Variants in PPA2 observed in about 807,000 individuals in gnomAD.
PPA2 encodes inorganic pyrophosphatase 2, mitochondrial.
PPA2 carries 48 observed loss-of-function variants against 49.5 expected under a neutral mutation model. The ratio of observed to expected loss-of-function variants is 0.97; its 90% CI spans 0.77 to 1.23. PPA2 has a LOEUF of 1.23. Among genes scored for constraint, PPA2 ranks in the 50% most tolerant of loss-of-function variants. PPA2 has a pLI of 0.00. For synonymous variants in PPA2, 131 were observed against 139.9 expected (o/e 0.94, Z 0.45); for missense variants, 429 against 410.1 (o/e 1.05, Z -0.40).
chr4:105,428,073 C>T (rs1042260653), intron 6 of PPA2, among the ~76,000 whole-genome samples: 23 of 152,116 alleles, frequency 1.5e-4, no homozygotes, highest in African/African-American at 5.6e-4. Context: ...GAATTTTCAA[C>T]CCAGAATGTC....
intron 11 of PPA2, chr4:105,370,412 A>G: frequency 4.7e-6 from 1 of 212,822 alleles, no homozygotes; most frequent in Non-Finnish European, 8.1e-6. Context: ...AGCTTCAAAT[A>G]ATGGTAATAA....
chr4:105,438,485 A>G (rs1226160815), intron 5 of PPA2, among the ~76,000 whole-genome samples: 1 of 152,230 alleles, frequency 6.6e-6, no homozygotes, highest in Admixed American at 6.5e-5. Context: ...TTTTCCCTTT[A>G]TAAATGAAAG....
At chr4:105,466,992 G>A (rs903375479) in intron 1 of PPA2, among the ~76,000 whole-genome samples, 1 of 152,184 alleles carries the variant, frequency 6.6e-6, no homozygotes, top group Admixed American at 6.5e-5. Context: ...GATCTCATGG[G>A]AAGCTGCTGA....
At chr4:105,371,416 T>C (rs947572787) in intron 10 of PPA2, among the ~76,000 whole-genome samples, 1 of 152,182 alleles carries the variant, frequency 6.6e-6, no homozygotes, top group Non-Finnish European at 1.5e-5. Context: ...TAGCACTCCA[T>C]TGGAAGATCT....
At chr4:105,428,187 C>A (rs376392095) in intron 6 of PPA2, among the ~76,000 whole-genome samples, 1 of 152,188 alleles carries the variant, frequency 6.6e-6, no homozygotes, top group South Asian at 2.1e-4. Context: ...TTTACAAGAG[C>A]TCCTGAAGGA....
In PPA2 at chr4:105,426,399, G is replaced by A. The variant is rs560670282; in HGVS notation, c.529-2077C>T. Reference sequence around the variant, plus strand: ...CAGGATGTTGCCTCACCCAGGAAGCGCCAGGGGTCAGGGGATTTCCCTTTT... The same window carrying A: ...CAGGATGTTGCCTCACCCAGGAAGCACCAGGGGTCAGGGGATTTCCCTTTT... On this transcript the variant is annotated intron_variant, in intron 6 of 11. Coordinates refer to ENST00000341695, the MANE Select transcript of PPA2 (RefSeq NM_176869.3). Among the ~76,000 whole-genome samples, 92 of 152,288 alleles carry A rather than the reference G, an allele frequency of 6.0e-4. 1 individual carries two copies. The highest frequency in any genetic ancestry group is 3.7e-3 in the South Asian group (18 of 4,820).
chr4:105,429,997 C>T (rs149156466), intron 6 of PPA2, among the ~76,000 whole-genome samples: 2 of 152,194 alleles, frequency 1.3e-5, no homozygotes, highest in Non-Finnish European at 2.9e-5. Flanking sequence ...AAGCTGCCAA[C>T]GTCAAGTTTA....
At chr4:105,426,025 GA>G (rs1723490398) in intron 6 of PPA2, among the ~76,000 whole-genome samples, 1 of 152,108 alleles carries the variant, frequency 6.6e-6, no homozygotes, top group South Asian at 2.1e-4. Flanking sequence ...TTGCAAAGGG[GA>G]AAGGGGGAAC....
At chr4:105,457,400 T>G (rs1162839581) in intron 1 of PPA2, among the ~76,000 whole-genome samples, 1 of 152,230 alleles carries the variant, frequency 6.6e-6, no homozygotes, top group Non-Finnish European at 1.5e-5. Flanking sequence ...TACATCTGTT[T>G]CCAAAAGCTA....
chr4:105,390,412 C>T (rs772561047), intron 9 of PPA2, among the ~76,000 whole-genome samples: 202 of 151,982 alleles, frequency 1.3e-3, no homozygotes, highest in African/African-American at 4.0e-3. Flanking sequence ...AATCTACTTA[C>T]CTGACAAAGG....
At chr4:105,428,636 C>T (rs1723641281) in intron 6 of PPA2, among the ~76,000 whole-genome samples, 1 of 140,534 alleles carries the variant, frequency 7.1e-6, no homozygotes, top group South Asian at 2.2e-4. Flanking sequence ...CACATGGACA[C>T]AGGGAGGGGA....
In PPA2 at chr4:105,369,585, T is replaced by C. The variant is rs966297734; in HGVS notation, c.*140A>G. Reference sequence around the variant, plus strand: ...AGTAATTTAAAATTCTTACTGTTTATTTATATATTGCATAGCTCAAAAAGT... The same window carrying C: ...AGTAATTTAAAATTCTTACTGTTTACTTATATATTGCATAGCTCAAAAAGT... On this transcript the variant is annotated 3_prime_UTR_variant, in exon 12 of 12. Coordinates refer to ENST00000341695, the MANE Select transcript of PPA2 (RefSeq NM_176869.3). The C allele has an allele frequency of 1.4e-6, 1 of 704,230 alleles. No individual in the cohort carries two copies. Among genetic ancestry groups the C allele is most frequent in the Non-Finnish European group, 2.4e-6 (1 of 416,656 alleles). The allele number at this position is 704,230 out of a possible 1,614,324, so 43.6% of individuals were successfully genotyped here.
chr4:105,461,346 G>A (rs1723083902), intron 1 of PPA2, among the ~76,000 whole-genome samples: 1 of 152,180 alleles, frequency 6.6e-6, no homozygotes, highest in Non-Finnish European at 1.5e-5. Flanking sequence ...AGGTGAAGTG[G>A]AAAACATGAA....
intron 3 of PPA2, among the ~76,000 whole-genome samples, chr4:105,450,726 G>C (rs550939023): frequency 2.8e-4 from 42 of 150,362 alleles, no homozygotes; most frequent in Admixed American, 2.4e-3. Context: ...TCCTGCCTCG[G>C]CCTCCCGAGT....
intron 1 of PPA2, among the ~76,000 whole-genome samples, chr4:105,470,722 C>T (rs1422597150): frequency 2.0e-5 from 3 of 152,144 alleles, no homozygotes; most frequent in East Asian, 1.9e-4. Flanking sequence ...TAATTACACA[C>T]ATAGTCTCAT....
chr4:105,390,566 A>G (rs1578807371), intron 9 of PPA2, among the ~76,000 whole-genome samples: 1 of 152,272 alleles, frequency 6.6e-6, no homozygotes, highest in East Asian at 1.9e-4. Flanking sequence ...GCTCATCATC[A>G]CTGATCATTA....
At chr4:105,473,473 C>T (rs766948944) in intron 1 of PPA2, 2 of 410,244 alleles carry the variant, frequency 4.9e-6, no homozygotes, top group Non-Finnish European at 9.4e-6. Context: ...GTTTCTTACG[C>T]CTCTAGGAAG....
chr4:105,423,761 A>G (rs181999170), intron 7 of PPA2, among the ~76,000 whole-genome samples: 60 of 152,330 alleles, frequency 3.9e-4, no homozygotes, highest in Non-Finnish European at 6.6e-4. Flanking sequence ...CTAGGTGCAG[A>G]AATAGCTTTT....
intron 6 of PPA2, among the ~76,000 whole-genome samples, chr4:105,435,318 T>C (rs1723998112): frequency 6.6e-6 from 1 of 152,206 alleles, no homozygotes; most frequent in African/African-American, 2.4e-5. Flanking sequence ...TAAACTTCTC[T>C]GGCTATAAGA....
Sources: allele counts gnomAD v4.1 joint callset (sites outside exome capture counted in the v4.1 genomes callset), GRCh38; gene constraint gnomAD v4.1.1; transcripts MANE v1.5; gene names NCBI Gene and HGNC (gene_info 2026-07-23, HGNC 2026-07-21).